Variants in ERC2 observed in about 807,000 individuals in gnomAD.
ERC2 encodes ERC protein 2.
In ERC2, 42 loss-of-function variants were observed where a neutral mutation model predicts 114.8. That is an observed-to-expected ratio of 0.37 (90% CI 0.29 to 0.47). ERC2 has a LOEUF of 0.47. ERC2 is among the 20% of genes least tolerant of loss of function. The pLI, the probability that ERC2 is intolerant of heterozygous loss-of-function variation, is 0.99. For synonymous variants in ERC2, 454 were observed against 425.5 expected (o/e 1.07, Z -0.82); for missense variants, 939 against 1,150.7 (o/e 0.82, Z 2.66).
At chr3:55,979,958 CTTTTTTTT>C (rs57387241) in intron 12 of ERC2, among the ~76,000 whole-genome samples, 1 of 129,152 alleles carries the variant, frequency 7.7e-6, no homozygotes, top group Non-Finnish European at 1.7e-5. Context: ...CTTTTTTTTT[CTTTTTTTT>C]TTTTTTTTAA....
chr3:56,435,824 T>C (rs754303651), intron 1 of ERC2, among the ~76,000 whole-genome samples: 2 of 152,230 alleles, frequency 1.3e-5, no homozygotes, highest in Non-Finnish European at 2.9e-5. Context: ...CCTAAACACA[T>C]AGCCAGATCC....
intron 6 of ERC2, among the ~76,000 whole-genome samples, chr3:56,093,850 A>G (rs1027817517): frequency 1.8e-4 from 28 of 152,198 alleles, no homozygotes; most frequent in African/African-American, 6.5e-4. Context: ...ACTGTGAAAA[A>G]TACTACTCTA....
chr3:56,409,042 A>G (rs371019369), intron 2 of ERC2, among the ~76,000 whole-genome samples: 2 of 152,342 alleles, frequency 1.3e-5, no homozygotes, highest in African/African-American at 4.8e-5. Context: ...AACACCTACC[A>G]GTCATCTCAC....
At chr3:55,951,730 G>T (rs1279893473) in intron 12 of ERC2, among the ~76,000 whole-genome samples, 1 of 151,930 alleles carries the variant, frequency 6.6e-6, no homozygotes, top group African/African-American at 2.4e-5. Flanking sequence ...GCATTGCCAG[G>T]TCAACCACTG....
chr3:56,205,026 C>A (rs978190862), intron 3 of ERC2, among the ~76,000 whole-genome samples: 1 of 151,834 alleles, frequency 6.6e-6, no homozygotes, highest in African/African-American at 2.4e-5. Context: ...TTCAAAAGTA[C>A]TTTCACATAA....
rs368360203 is a variant in ERC2, at chr3:55,663,397, T to C, written c.*39+20397A>G. ...AGTGAAGTGGGGCTAGAATCGATGA[T>C]GGCTAAGCTCCCTTTCAGTGCCAAC... On this transcript the variant is annotated intron_variant, in intron 17 of 17. Transcript: ENST00000288221. Among the ~76,000 whole-genome samples the C allele has an allele frequency of 3.2e-3, 481 of 152,348 alleles. 23 individuals are homozygous for C. In the South Asian group the frequency reaches 0.083, roughly 26 times the overall value.
At chr3:56,003,242 G>A (rs1482545752) in intron 10 of ERC2, 26 of 730,716 alleles carry the variant, frequency 3.6e-5, no homozygotes, top group Non-Finnish European at 4.7e-5. Context: ...CAGACGAGTT[G>A]GTTGTTAAAA....
intron 3 of ERC2, among the ~76,000 whole-genome samples, chr3:56,222,552 C>T (rs1254486210): frequency 6.6e-6 from 1 of 152,094 alleles, no homozygotes; most frequent in Non-Finnish European, 1.5e-5. Context: ...CTCTTGCGTA[C>T]CACTGCCCAA....
intron 14 of ERC2, among the ~76,000 whole-genome samples, chr3:55,770,847 C>T (rs747035388): frequency 5.3e-5 from 8 of 151,892 alleles, no homozygotes; most frequent in Admixed American, 1.3e-4. Context: ...TCCCTGTGTC[C>T]ATGTGTTCTC....
chr3:55,888,859 A>G (rs924473954), intron 13 of ERC2, among the ~76,000 whole-genome samples: 6 of 152,190 alleles, frequency 3.9e-5, no homozygotes, highest in Non-Finnish European at 7.3e-5. Flanking sequence ...AATCACCACT[A>G]AAGAGCTTAC....
intron 5 of ERC2, among the ~76,000 whole-genome samples, chr3:56,146,052 T>C (rs572405600): frequency 4.7e-4 from 72 of 152,234 alleles, no homozygotes; most frequent in African/African-American, 1.7e-3. Flanking sequence ...TTTGGGAGGC[T>C]GAGGCAGGCA....
In ERC2 at chr3:56,167,620, T is replaced by C. The variant is rs182745050; in HGVS notation, c.1149+5826A>G. Reference sequence around the variant, plus strand: ...GATAAAGGGGTTTGTTGTTGCTTTATATTGGGGGGTCCAGTTGGAAAATGA... The same window carrying C: ...GATAAAGGGGTTTGTTGTTGCTTTACATTGGGGGGTCCAGTTGGAAAATGA... On this transcript the variant is annotated intron_variant, in intron 4 of 17. Coordinates refer to ENST00000288221, the MANE Select transcript of ERC2 (RefSeq NM_015576.3). Among the ~76,000 whole-genome samples the C allele has an allele frequency of 3.3e-5, 5 of 152,246 alleles. No homozygotes were observed. In the East Asian group the frequency reaches 9.7e-4, roughly 29 times the overall value.
At chr3:56,297,249 T>C (rs2055507398) in intron 2 of ERC2, among the ~76,000 whole-genome samples, 1 of 151,762 alleles carries the variant, frequency 6.6e-6, no homozygotes, top group South Asian at 2.1e-4. Context: ...AAAAAAATTC[T>C]AATTACAGCA....
At chr3:55,826,126 G>A (rs2060318049) in intron 14 of ERC2, among the ~76,000 whole-genome samples, 2 of 152,154 alleles carry the variant, frequency 1.3e-5, no homozygotes, top group Non-Finnish European at 2.9e-5. Flanking sequence ...TATAAAGGTG[G>A]TTGTGAACAG....
At chr3:56,153,273 T>C (rs937100774) in intron 4 of ERC2, among the ~76,000 whole-genome samples, 1 of 152,084 alleles carries the variant, frequency 6.6e-6, no homozygotes, top group Non-Finnish European at 1.5e-5. Flanking sequence ...CTCTCTAACA[T>C]GAAGGACAGC....
chr3:55,719,169 C>T (rs1052956415), intron 15 of ERC2, among the ~76,000 whole-genome samples: 55 of 152,168 alleles, frequency 3.6e-4, no homozygotes, highest in African/African-American at 1.3e-3. Flanking sequence ...TATATTCCAA[C>T]TTCTAAGCCA....
intron 3 of ERC2, among the ~76,000 whole-genome samples, chr3:56,221,782 T>C (rs982974210): frequency 2.6e-5 from 4 of 152,092 alleles, no homozygotes; most frequent in Non-Finnish European, 5.9e-5. Context: ...TGGGCGCCTG[T>C]AGTCCCAGCT....
At chr3:56,253,372 T>C (rs2052308997) in intron 3 of ERC2, among the ~76,000 whole-genome samples, 1 of 152,238 alleles carries the variant, frequency 6.6e-6, no homozygotes, top group African/African-American at 2.4e-5. Flanking sequence ...TTTAAAAAAC[T>C]GTTTAAGAAA....
intron 2 of ERC2, among the ~76,000 whole-genome samples, chr3:56,432,503 G>A (rs1402127797): frequency 6.6e-6 from 1 of 152,192 alleles, no homozygotes; most frequent in African/African-American, 2.4e-5. Flanking sequence ...ATTTTAGAGT[G>A]AAGAACAAAC....
Sources: gnomAD v4.1 joint callset for allele counts (sites outside exome capture counted in the v4.1 genomes callset) on GRCh38, gnomAD v4.1.1 for gene constraint, MANE v1.5 for transcripts, NCBI Gene and HGNC (gene_info 2026-07-23, HGNC 2026-07-21) for gene names.